Variants in GPC6 observed in about 807,000 individuals in gnomAD.
GPC6 encodes glypican 6.
A neutral mutation model predicts 55.2 loss-of-function variants in GPC6; 14 were observed. The ratio of observed to expected loss-of-function variants is 0.25; its 90% CI spans 0.17 to 0.40. GPC6 has a LOEUF of 0.40. Ranked by LOEUF, GPC6 falls within the 10% of genes least tolerant of loss-of-function variation. The pLI, the probability that GPC6 is intolerant of heterozygous loss-of-function variation, is 1.00. For missense variants in GPC6, 641 were observed against 708.5 expected, an observed-to-expected ratio of 0.90 and a Z score of 1.08; for synonymous variants, 278 against 259.6, an observed-to-expected ratio of 1.07 and a Z score of -0.68.
chr13:93,793,985 G>T (rs375193888), intron 2 of GPC6, among the ~76,000 whole-genome samples: 1 of 152,052 alleles, frequency 6.6e-6, no homozygotes, highest in Non-Finnish European at 1.5e-5. Flanking sequence ...ATTTTCCATG[G>T]ATCATGCCCG....
At chr13:94,069,433 C>T (rs911330345) in intron 4 of GPC6, among the ~76,000 whole-genome samples, 14 of 152,166 alleles carry the variant, frequency 9.2e-5, no homozygotes, top group Middle Eastern at 3.4e-3. Context: ...AGATATTTTC[C>T]CTATTGTCTT....
chr13:94,050,179 T>C (rs1883891028), intron 4 of GPC6, among the ~76,000 whole-genome samples: 1 of 151,978 alleles, frequency 6.6e-6, no homozygotes, highest in Admixed American at 6.6e-5. Context: ...GAACTAGGGG[T>C]TTGGTCTGTT....
Position 94,387,018 on chromosome 13 carries a change from A to C in GPC6, c.1289+4468A>C, listed in dbSNP as rs139156638. The stretch of plus-strand genomic sequence containing the variant: ...GTCTATTTACTCCAGTGATTATCTT[A>C]TTTTTTAAAAAGCTGTTATTAAGTA... On this transcript the variant is annotated intron_variant, in intron 7 of 8. Coordinates refer to ENST00000377047, the MANE Select transcript of GPC6 (RefSeq NM_005708.5). 3.3e-5 allele frequency among the ~76,000 whole-genome samples: 5 copies of C among 152,290 alleles called. No individual in the cohort carries two copies. The East Asian group carries it at 7.7e-4, about 24-fold the overall frequency.
At chr13:94,058,006 T>G (rs1041338932) in intron 4 of GPC6, among the ~76,000 whole-genome samples, 2 of 152,210 alleles carry the variant, frequency 1.3e-5, no homozygotes, top group Non-Finnish European at 2.9e-5. Flanking sequence ...AAGGGAAGTT[T>G]AATTTATATC....
intron 2 of GPC6, among the ~76,000 whole-genome samples, chr13:93,650,416 G>A (rs1005667325): frequency 6.6e-6 from 1 of 151,758 alleles, no homozygotes; most frequent in Non-Finnish European, 1.5e-5. Context: ...ATCTCATTCT[G>A]AGATACCTCA....
At chr13:94,062,855 A>T (rs1884381099) in intron 4 of GPC6, among the ~76,000 whole-genome samples, 1 of 152,222 alleles carries the variant, frequency 6.6e-6, no homozygotes, top group Non-Finnish European at 1.5e-5. Flanking sequence ...AGAGTGAGAG[A>T]GATACCAAAC....
chr13:93,264,474 A>G (rs60956600), intron 1 of GPC6, among the ~76,000 whole-genome samples: 9,245 of 152,244 alleles, frequency 0.061, 317 homozygotes, highest in Non-Finnish European at 0.075. Context: ...CAGTAGCACA[A>G]TCATAGCTCC....
intron 1 of GPC6, among the ~76,000 whole-genome samples, chr13:93,455,799 C>T (rs1330216775): frequency 6.6e-6 from 1 of 152,080 alleles, no homozygotes; most frequent in Admixed American, 6.5e-5. Context: ...AGTATTCTCC[C>T]TCGAGACCCC....
At chr13:93,335,580 T>G (rs929203670) in intron 1 of GPC6, among the ~76,000 whole-genome samples, 4 of 152,162 alleles carry the variant, frequency 2.6e-5, no homozygotes, top group Non-Finnish European at 5.9e-5. Flanking sequence ...ATGGTAAAGA[T>G]TGGGGGACTG....
chr13:93,377,217 C>T (rs184736569), intron 1 of GPC6, among the ~76,000 whole-genome samples: 3 of 152,120 alleles, frequency 2.0e-5, no homozygotes, highest in Non-Finnish European at 4.4e-5. Flanking sequence ...CAGAGAAACA[C>T]CAGAGCATTG....
intron 2 of GPC6, among the ~76,000 whole-genome samples, chr13:93,550,855 T>TA (rs1436508995): frequency 6.6e-6 from 1 of 152,162 alleles, no homozygotes; most frequent in Non-Finnish European, 1.5e-5. Context: ...AGAAGGCACT[T>TA]AACCAAGTAT....
chr13:93,963,932 A>G (rs183675064), intron 3 of GPC6, among the ~76,000 whole-genome samples: 19 of 152,296 alleles, frequency 1.2e-4, no homozygotes, highest in African/African-American at 3.4e-4. Flanking sequence ...CTTTGTATCA[A>G]TGTCAGCCCT....
intron 2 of GPC6, among the ~76,000 whole-genome samples, chr13:93,694,948 A>G (rs1171014217): frequency 6.6e-6 from 1 of 152,130 alleles, no homozygotes; most frequent in African/African-American, 2.4e-5. Flanking sequence ...CTGGAAAATG[A>G]TGAAAAAGTC....
At chr13:94,057,806 A>T (rs1244754009) in intron 4 of GPC6, among the ~76,000 whole-genome samples, 1 of 152,210 alleles carries the variant, frequency 6.6e-6, no homozygotes, top group Admixed American at 6.5e-5. Flanking sequence ...GTCTTAATCA[A>T]AAAAAGCCCA....
intron 2 of GPC6, among the ~76,000 whole-genome samples, chr13:93,790,553 CA>C (rs1885998956): frequency 1.3e-5 from 2 of 152,166 alleles, no homozygotes; most frequent in Non-Finnish European, 2.9e-5. Flanking sequence ...AGGAATAAAA[CA>C]CATACACACT....
chr13:93,579,676 G>A (rs976813678), intron 2 of GPC6, among the ~76,000 whole-genome samples: 1 of 152,162 alleles, frequency 6.6e-6, no homozygotes, highest in Non-Finnish European at 1.5e-5. Flanking sequence ...TGAGAAAGGA[G>A]ACTTGATTAA....
At chr13:93,481,637 TC>T (rs1879524085) in intron 1 of GPC6, among the ~76,000 whole-genome samples, 1 of 93,936 alleles carries the variant, frequency 1.1e-5, no homozygotes. Flanking sequence ...GGATCCAGCT[TC>T]ATTTTTTTTT....
chr13:93,235,823 A>C (rs1876213683), intron 1 of GPC6, among the ~76,000 whole-genome samples: 2 of 136,800 alleles, frequency 1.5e-5, no homozygotes, highest in Admixed American at 1.6e-4. Context: ...CCGTTATTTC[A>C]CATAACAAGA....
rs138495563 is a variant in GPC6 at position 93,473,624 on chromosome 13, C to T, written c.161-71639C>T. ...ACAGGCAGCACCAGTTGTGCCTCCT[C>T]ACAGCCTGATTTGGGGACTTCAGGT... On this transcript the variant is annotated intron_variant, in intron 1 of 8. Coordinates refer to ENST00000377047, the MANE Select transcript of GPC6 (RefSeq NM_005708.5). 3.5e-3 allele frequency among the ~76,000 whole-genome samples: 537 copies of T among 152,322 alleles called. 3 individuals are homozygous for T. Among genetic ancestry groups the T allele is most frequent in the Admixed American group, 7.5e-3 (115 of 15,306 alleles).
Sources: gnomAD v4.1 joint callset for allele counts (sites outside exome capture counted in the v4.1 genomes callset) on GRCh38, gnomAD v4.1.1 for gene constraint, MANE v1.5 for transcripts, NCBI Gene and HGNC (gene_info 2026-07-23, HGNC 2026-07-21) for gene names.